Variants in CDK14 observed in about 807,000 individuals in gnomAD.
CDK14 encodes the protein cyclin dependent kinase 14.
A neutral mutation model predicts 60.7 loss-of-function variants in CDK14; 34 were observed. That is an observed-to-expected ratio of 0.56 (90% CI 0.43 to 0.75). The LOEUF is 0.75. Among genes scored for constraint, CDK14 ranks in the 30% least tolerant of loss-of-function variants. The pLI is 0.00. For synonymous variants in CDK14, 197 were observed against 203.7 expected (o/e 0.97, Z 0.28); for missense variants, 482 against 564.1 (o/e 0.85, Z 1.47).
chr7:91,073,588 G>C (rs1033754952), intron 11 of CDK14, among the ~76,000 whole-genome samples: 14 of 152,130 alleles, frequency 9.2e-5, no homozygotes, highest in Non-Finnish European at 1.8e-4. Context: ...TGAAGAAACT[G>C]CATCAACTAG....
chr7:91,031,707 A>G (rs1278920705), intron 10 of CDK14, among the ~76,000 whole-genome samples: 2 of 152,220 alleles, frequency 1.3e-5, no homozygotes, highest in African/African-American at 4.8e-5. Flanking sequence ...CAAAGCAAGA[A>G]AAAAATAACA....
At chr7:90,742,230 T>A (rs1047299222) in intron 3 of CDK14, among the ~76,000 whole-genome samples, 3 of 152,024 alleles carry the variant, frequency 2.0e-5, no homozygotes, top group African/African-American at 7.2e-5. Context: ...CTTAGAAGAT[T>A]GTATTTTTAA....
rs554809374 is a variant in CDK14, at chr7:91,144,738, A to G, written c.*28+26530A>G. On this transcript the variant is annotated intron_variant, in intron 14 of 14. Coordinates refer to ENST00000380050, the MANE Select transcript of CDK14 (RefSeq NM_001287135.2). ...CTAAAGTGCCTGGAGCAAGTGTCCA[A>G]AAAGGGGTAATCCACTGGTAGATAT... is the stretch of plus-strand genomic sequence containing the variant. 2.0e-4 allele frequency among the ~76,000 whole-genome samples: 30 copies of G among 152,314 alleles called. No homozygotes were observed. The South Asian group carries it at 6.0e-3, about 30-fold the overall frequency.
At chr7:90,662,286 TG>T (rs1194354799) in intron 2 of CDK14, among the ~76,000 whole-genome samples, 1 of 152,170 alleles carries the variant, frequency 6.6e-6, no homozygotes, top group Non-Finnish European at 1.5e-5. Flanking sequence ...AAGTAACTTG[TG>T]GGAAGTCACA....
chr7:91,052,131 C>T (rs972168428), intron 11 of CDK14, among the ~76,000 whole-genome samples: 12 of 152,014 alleles, frequency 7.9e-5, no homozygotes, highest in South Asian at 2.1e-4. Context: ...GCTGAGAGTG[C>T]GAGTGGTGTT....
In CDK14 at chr7:90,601,954, G is replaced by GTATGTATC. The variant is rs1554417166; in HGVS notation, c.92-2257_92-2256insCTATGTAT. ...TGTATGTATGTATGTATGTATGTAT[G>GTATGTATC]TATGTATGTATGTATGTATGTGGTA... On this transcript the variant is annotated intron_variant, in intron 1 of 14. Transcript: ENST00000380050. Among the ~76,000 whole-genome samples the GTATGTATC allele has an allele frequency of 2.9e-3, 447 of 151,796 alleles. 4 individuals are homozygous for GTATGTATC. The highest frequency in any genetic ancestry group is 0.01 in the African/African-American group (426 of 41,372).
intron 3 of CDK14, among the ~76,000 whole-genome samples, chr7:90,737,163 G>A (rs976860673): frequency 7.2e-5 from 11 of 152,142 alleles, no homozygotes; most frequent in African/African-American, 2.7e-4. Context: ...TAACCCAGCT[G>A]TGCTCCTCAG....
At chr7:90,836,975 A>G (rs1264653040) in intron 5 of CDK14, among the ~76,000 whole-genome samples, 1 of 152,246 alleles carries the variant, frequency 6.6e-6, no homozygotes, top group East Asian at 1.9e-4. Flanking sequence ...CCTCATTTGC[A>G]TCACAGATTC....
chr7:90,696,802 G>A (rs1271967081), intron 2 of CDK14, among the ~76,000 whole-genome samples: 3 of 152,168 alleles, frequency 2.0e-5, no homozygotes, highest in Non-Finnish European at 4.4e-5. Context: ...TGGGACACAT[G>A]TCTTTATAGG....
intron 5 of CDK14, among the ~76,000 whole-genome samples, chr7:90,848,348 C>G (rs1041967990): frequency 6.6e-6 from 1 of 152,142 alleles, no homozygotes; most frequent in Non-Finnish European, 1.5e-5. Flanking sequence ...TCCCAAAGTG[C>G]TGGGATTACA....
At chr7:90,647,648 A>G (rs756101129) in intron 2 of CDK14, among the ~76,000 whole-genome samples, 18 of 152,174 alleles carry the variant, frequency 1.2e-4, no homozygotes, top group Non-Finnish European at 2.2e-4. Context: ...ATGTTAAAAG[A>G]GTATTTGAAT....
intron 7 of CDK14, among the ~76,000 whole-genome samples, chr7:90,913,921 A>G (rs1382238858): frequency 6.6e-6 from 1 of 152,070 alleles, no homozygotes; most frequent in African/African-American, 2.4e-5. Flanking sequence ...GGTCAAAGAG[A>G]CCTTCAAGCT....
chr7:90,838,463 T>A (rs1229950181), intron 5 of CDK14, among the ~76,000 whole-genome samples: 1 of 152,096 alleles, frequency 6.6e-6, no homozygotes, highest in Non-Finnish European at 1.5e-5. Flanking sequence ...AACCATAAGG[T>A]CTGACTGCCT....
intron 14 of CDK14, among the ~76,000 whole-genome samples, chr7:91,142,145 A>G (rs1353629380): frequency 1.3e-5 from 2 of 152,176 alleles, no homozygotes; most frequent in East Asian, 3.9e-4. Flanking sequence ...TTAAATATTT[A>G]AGATAATAGT....
At chr7:91,189,072 A>G (rs1802275471) in intron 14 of CDK14, among the ~76,000 whole-genome samples, 1 of 152,196 alleles carries the variant, frequency 6.6e-6, no homozygotes, top group African/African-American at 2.4e-5. Flanking sequence ...TTCATCATTA[A>G]TGCTTTGAAT....
intron 2 of CDK14, among the ~76,000 whole-genome samples, chr7:90,719,828 C>A (rs1409205376): frequency 6.6e-6 from 1 of 152,166 alleles, no homozygotes; most frequent in African/African-American, 2.4e-5. Context: ...CTAAATGGAA[C>A]AAGTAGTATG....
chr7:90,730,782 A>T (rs560408395), intron 3 of CDK14, among the ~76,000 whole-genome samples: 5 of 152,048 alleles, frequency 3.3e-5, no homozygotes, highest in African/African-American at 9.6e-5. Context: ...GATTATAAAA[A>T]TTTTCTCCCA....
intron 11 of CDK14, among the ~76,000 whole-genome samples, chr7:91,061,282 A>T (rs1212319345): frequency 1.3e-5 from 2 of 152,110 alleles, no homozygotes; most frequent in African/African-American, 2.4e-5. Flanking sequence ...TGCATTGGTT[A>T]TTCTAGTTAG....
intron 6 of CDK14, among the ~76,000 whole-genome samples, chr7:90,870,272 A>G (rs1439253176): frequency 2.0e-5 from 3 of 152,232 alleles, no homozygotes; most frequent in Non-Finnish European, 4.4e-5. Flanking sequence ...GTTCTGACTT[A>G]TAAGTGGGAG....
Sources: allele counts gnomAD v4.1 joint callset (sites outside exome capture counted in the v4.1 genomes callset), GRCh38; gene constraint gnomAD v4.1.1; transcripts MANE v1.5; gene names NCBI Gene and HGNC (gene_info 2026-07-23, HGNC 2026-07-21).